The following L1TD1 variants were observed in gnomAD, a reference collection of about 807,000 sequenced individuals.
L1TD1 encodes the protein LINE-1 type transposase domain-containing protein 1.
Under a neutral mutation model 25.7 loss-of-function variants are expected in L1TD1, and 26 were observed. The observed-to-expected ratio is 1.01, with a 90% CI of 0.74 to 1.40. The LOEUF (loss-of-function observed/expected upper bound fraction) is 1.40. Among genes scored for constraint, L1TD1 ranks in the 40% most tolerant of loss-of-function variants. The pLI is 0.00. For missense variants in L1TD1, 1,130 were observed against 975.0 expected (o/e 1.16, Z -2.12); for synonymous variants, 421 against 335.6 (o/e 1.25, Z -2.78).
At chr1:62,199,582 G>A (rs1670604797) in intron 2 of L1TD1, among the ~76,000 whole-genome samples, 1 of 151,982 alleles carries the variant, frequency 6.6e-6, no homozygotes, top group African/African-American at 2.4e-5. Context: ...TCAGTTTTAA[G>A]CCAGGCATGG....
At chr1:62,205,153 A>G (rs1039049655) in intron 2 of L1TD1, among the ~76,000 whole-genome samples, 4 of 151,716 alleles carry the variant, frequency 2.6e-5, no homozygotes, top group African/African-American at 9.7e-5. Flanking sequence ...ATTCGAGGCC[A>G]GCCACCAACA....
rs753466100 is a variant in L1TD1 at position 62,206,959 on chromosome 1, C to CA, written c.337dup (p.Thr113AsnfsTer13). 1.9e-5 allele frequency: 31 copies of CA among 1,612,776 alleles called. No homozygotes were observed. The South Asian group carries it at 3.3e-4, about 17-fold the overall frequency. ...TCAGCAAATAATCAATTTAGCATTA[C>CA]AAAAAACAGGGATGGTAGGGAAAAT... On this transcript the variant is annotated frameshift_variant, in exon 3 of 4. Transcript: ENST00000498273. LOFTEE classifies it high-confidence loss of function.
chr1:62,206,687 A>G lies in L1TD1; in HGVS notation c.59A>G (p.Glu20Gly), dbSNP rs1238241450. ...SKFARLAKKK[E>G]NITYMKREQL... ...TTTGCTAGACTTGCAAAGAAAAAGGAAAATATCACCTATATGAAAAGAGAG... is the reference window on the plus strand; with the variant it reads ...TTTGCTAGACTTGCAAAGAAAAAGGGAAATATCACCTATATGAAAAGAGAG... Residue 20 changes from glutamate to glycine, a missense_variant, in exon 3 of 4, where the codon GAA becomes GGA. By Grantham distance (98) the Glu-to-Gly change is moderately conservative. Coordinates refer to ENST00000498273, the MANE Select transcript of L1TD1 (RefSeq NM_019079.5). The G allele has an allele frequency of 8.4e-6, 13 of 1,548,238 alleles. No individual in the cohort carries two copies. Among genetic ancestry groups the G allele is most frequent in the Non-Finnish European group, 1.1e-5 (13 of 1,146,076 alleles).
At position 62,201,367 on chromosome 1, in the gene L1TD1, A is replaced by G. The variant is rs186340364; in HGVS notation, c.-111+4839A>G. On this transcript the variant is annotated intron_variant, in intron 2 of 3. Transcript: ENST00000498273. Reference sequence around the variant, plus strand: ...ATCTTGGCAAGTCAAGTAGAAGTCTATTTCACCAGGGAGAGCTCAGTGGTT... The same window carrying G: ...ATCTTGGCAAGTCAAGTAGAAGTCTGTTTCACCAGGGAGAGCTCAGTGGTT... 3.3e-3 allele frequency among the ~76,000 whole-genome samples: 497 copies of G among 151,958 alleles called. 3 individuals are homozygous for G. The highest frequency in any genetic ancestry group is 0.011 in the African/African-American group (465 of 41,452).
rs1320524650 is a variant in L1TD1 at position 62,202,543 on chromosome 1, TTTC to T, written c.-110-3973_-110-3971del. On this transcript the variant is annotated intron_variant, in intron 2 of 3. Coordinates refer to ENST00000498273, the MANE Select transcript of L1TD1 (RefSeq NM_019079.5). ...AACTATCATGCTTTTTTCTTTTTCTTTTCTTTTTTTTTTTTTTTAGCTGTTCAT... is the reference window on the plus strand; with the variant it reads ...AACTATCATGCTTTTTTCTTTTTCTTTTTTTTTTTTTTTTTAGCTGTTCAT... 6.5e-3 allele frequency among the ~76,000 whole-genome samples: 693 copies of T among 107,242 alleles called. 6 individuals are homozygous for T. Among genetic ancestry groups the T allele is most frequent in the African/African-American group, 0.024 (598 of 24,704 alleles). 70.4% of individuals were successfully genotyped at this position (107,242 alleles called of 152,430 possible). A position where few individuals can be genotyped will look rare whatever the true frequency, so the allele number is the denominator to read the frequency against.
rs1288621527 is a variant in L1TD1, at chr1:62,205,434, TATATATATA to T, written c.-110-1084_-110-1076del. On this transcript the variant is annotated intron_variant, in intron 2 of 3. Coordinates refer to ENST00000498273, the MANE Select transcript of L1TD1 (RefSeq NM_019079.5). Reference sequence around the variant, plus strand: ...CTCTCTCTCTATATATATATATATATATATATATATTTTTTTTTAGACAGTCTTGCTGTG... The same window carrying T: ...CTCTCTCTCTATATATATATATATATTTTTTTTTTAGACAGTCTTGCTGTG... 2.7e-4 allele frequency among the ~76,000 whole-genome samples: 20 copies of T among 73,652 alleles called. 1 individual carries two copies. Among genetic ancestry groups the T allele is most frequent in the East Asian group, 9.2e-4 (3 of 3,274 alleles). 48.3% of individuals were successfully genotyped at this position (73,652 alleles called of 152,430 possible).
rs946905720 is a variant in L1TD1, at chr1:62,207,388, C to T, written c.760C>T (p.Leu254=). The T allele has an allele frequency of 1.9e-6, 3 of 1,551,466 alleles. No homozygotes were observed. In the African/African-American group the frequency reaches 4.1e-5, roughly 21 times the overall value. ...TLVADLSSAT[L]DISKQWSNVF... is the part of the protein sequence containing the mutation. ...GGTAGCCGACCTTTCATCAGCAACA[C>T]TGGATATTAGTAAGCAATGGAGTAA... Residue 254 remains leucine, a synonymous_variant, in exon 3 of 4, where the codon CTG becomes TTG. Transcript: ENST00000498273.
chr1:62,200,967 C>G (rs1670628982), intron 2 of L1TD1, among the ~76,000 whole-genome samples: 1 of 151,746 alleles, frequency 6.6e-6, no homozygotes, highest in African/African-American at 2.4e-5. Context: ...CTTGCTCGCT[C>G]TGTTGCCCAG....
Position 62,207,263 on chromosome 1 carries a change from G to A in L1TD1, c.635G>A (p.Arg212Lys). 2 of 1,551,048 alleles carry A rather than the reference G, an allele frequency of 1.3e-6. No homozygotes were observed. Among genetic ancestry groups the A allele is most frequent in the Non-Finnish European group, 1.7e-6 (2 of 1,146,870 alleles). Residue 212 changes from arginine to lysine, a missense_variant, in exon 3 of 4, where the codon AGA becomes AAA. By Grantham distance (26) the Arg-to-Lys change is conservative (BLOSUM62 2). Transcript: ENST00000498273. The part of the protein sequence containing the change: ...DGEDEFVKEM[R>K]EERKFQKLKN... ...GAGGATGAATTTGTCAAAGAAATGAGAGAGGAAAGAAAATTTCAGAAATTG... is the reference window on the plus strand; with the variant it reads ...GAGGATGAATTTGTCAAAGAAATGAAAGAGGAAAGAAAATTTCAGAAATTG...
Position 62,211,476 on chromosome 1 carries a change from A to C in L1TD1, c.*104A>C. On this transcript the variant is annotated 3_prime_UTR_variant, in exon 4 of 4. Transcript: ENST00000498273. Reference sequence around the variant, plus strand: ...CTTCTACCCAGAAGGATGGACAGCTAATAGCGTACTTGGGGATGAGGAGCA... The same window carrying C: ...CTTCTACCCAGAAGGATGGACAGCTCATAGCGTACTTGGGGATGAGGAGCA... 6.7e-7 allele frequency: 1 copy of C among 1,490,774 alleles called. No individual in the cohort carries two copies. The highest frequency in any genetic ancestry group is 8.9e-7 in the Non-Finnish European group (1 of 1,126,552). 92.3% of individuals were successfully genotyped at this position (1,490,774 alleles called of 1,614,324 possible).
chr1:62,210,372 A>C lies in L1TD1; in HGVS notation c.1598A>C (p.Gln533Pro), dbSNP rs1570932305. The C allele has an allele frequency of 6.2e-6, 10 of 1,614,000 alleles. No individual in the cohort carries two copies. The East Asian group carries it at 2.2e-4, about 36-fold the overall frequency. The stretch of plus-strand genomic sequence containing the variant: ...AAACACCAGGTGGTGCACAAAACCC[A>C]GGAGGAAGAGGAAACAGCTGTGCCC... ...LVKHQVVHKT[Q>P]EEEETAVPTS... The change falls in exon 4 of 4, where the codon CAG becomes CCG. Residue 533 changes from glutamine to proline, a missense_variant. Gln to Pro is a moderately conservative substitution (Grantham distance 76, BLOSUM62 -1). Coordinates refer to ENST00000498273, the MANE Select transcript of L1TD1 (RefSeq NM_019079.5).
chr1:62,209,628 G>A (rs1274025456), intron 3 of L1TD1, among the ~76,000 whole-genome samples, 155 bp from the exon 4 acceptor site: 3 of 152,158 alleles, frequency 2.0e-5, no homozygotes, highest in East Asian at 3.9e-4. Context: ...TGGGGACCTA[G>A]GCCTTCAAGA....
intron 2 of L1TD1, among the ~76,000 whole-genome samples, chr1:62,203,223 T>C (rs1467545250): frequency 6.7e-6 from 1 of 148,386 alleles, no homozygotes; most frequent in Non-Finnish European, 1.5e-5. Context: ...GGGGGTATCC[T>C]ATGCACTACC....
intron 1 of L1TD1, 36 bp downstream of exon 1, chr1:62,194,957 C>G (rs912691195): frequency 1.3e-5 from 2 of 152,264 alleles, no homozygotes; most frequent in Middle Eastern, 3.4e-3. Context: ...CCCGGCGTGC[C>G]CTGGGTAAGG....
chr1:62,209,726 A>C, intron 3 of L1TD1, 57 bp from the exon 4 acceptor site: 1 of 1,315,088 alleles, frequency 7.6e-7, no homozygotes, highest in Non-Finnish European at 1.0e-6. Context: ...TTAATTCTTT[A>C]AAAGACAAAT....
At chr1:62,198,525 C>T (rs1570920413) in intron 2 of L1TD1, among the ~76,000 whole-genome samples, 2 of 151,610 alleles carry the variant, frequency 1.3e-5, no homozygotes, top group Admixed American at 6.6e-5. Flanking sequence ...GACCCCCCGC[C>T]GCCGCCCCAC....
At chr1:62,198,311 AGAGT>A (rs1472571311) in intron 2 of L1TD1, among the ~76,000 whole-genome samples, 1 of 151,872 alleles carries the variant, frequency 6.6e-6, no homozygotes, top group Non-Finnish European at 1.5e-5. Flanking sequence ...ACGCTGGGCG[AGAGT>A]GAGATCTCAA....
intron 3 of L1TD1, 35 bp downstream of exon 3, chr1:62,207,671 T>C (rs934349577): frequency 2.0e-6 from 3 of 1,464,494 alleles, no homozygotes; most frequent in African/African-American, 2.9e-5. Context: ...ATAAAGCTTA[T>C]GTATAAATGT....
rs1189473888 is a variant in L1TD1, at chr1:62,209,963, G to T, written c.1189G>T (p.Asp397Tyr). 1.1e-5 allele frequency: 18 copies of T among 1,611,670 alleles called. No homozygotes were observed. The East Asian group carries it at 4.0e-4, about 36-fold the overall frequency. ...LDEEASGMEDDEDTSGLEEEE... is the reference protein window; with the variant it reads ...LDEEASGMEDYEDTSGLEEEE... ...TGAAGAGGCCTCAGGGATGGAGGAT[G>T]ATGAAGATACCTCAGGGCTGGAGGA... Residue 397 changes from aspartate (D) to tyrosine (Y), a missense_variant, in exon 4 of 4, where the codon GAT becomes TAT. Coordinates refer to ENST00000498273, the MANE Select transcript of L1TD1 (RefSeq NM_019079.5).
Sources: allele counts gnomAD v4.1 joint callset (sites outside exome capture counted in the v4.1 genomes callset), GRCh38; gene constraint gnomAD v4.1.1; transcripts MANE v1.5; gene names NCBI Gene and HGNC (gene_info 2026-07-23, HGNC 2026-07-21).